BMP6: variants seen among roughly 807,000 people sequenced by gnomAD.
BMP6 encodes bone morphogenetic protein 6.
BMP6 carries 17 observed loss-of-function variants against 54.1 expected under a neutral mutation model. The ratio of observed to expected loss-of-function variants is 0.31; its 90% CI spans 0.22 to 0.47. The LOEUF (loss-of-function observed/expected upper bound fraction) is 0.47. BMP6 is among the 20% of genes least tolerant of loss of function. BMP6 has a pLI of 1.00. For synonymous variants in BMP6, 328 were observed against 291.2 expected, an observed-to-expected ratio of 1.13 and a Z score of -1.28; for missense variants, 720 against 690.4, an observed-to-expected ratio of 1.04 and a Z score of -0.48.
intron 1 of BMP6, among the ~76,000 whole-genome samples, chr6:7,841,683 C>T (rs574960455): frequency 2.0e-4 from 31 of 152,162 alleles, no homozygotes; most frequent in Middle Eastern, 6.8e-3. Context: ...GAAGACCAGA[C>T]GGTAATGGGA....
At chr6:7,805,923 C>G (rs1236818115) in intron 1 of BMP6, among the ~76,000 whole-genome samples, 1 of 152,126 alleles carries the variant, frequency 6.6e-6, no homozygotes, top group Non-Finnish European at 1.5e-5. Context: ...CTGTTTATCT[C>G]GGGTTGGAAT....
Position 7,874,190 on chromosome 6 carries a change from C to T in BMP6, c.1205-4884C>T, listed in dbSNP as rs543958138. On this transcript the variant is annotated intron_variant, in intron 4 of 6. Transcript: ENST00000283147. The stretch of plus-strand genomic sequence containing the variant: ...CCAGGCCTGGCAGCACCACACATCC[C>T]TTCTTCCCCACATTCATGGGCAGAA... Among the ~76,000 whole-genome samples the T allele has an allele frequency of 1.0e-3, 159 of 152,316 alleles. No individual in the cohort carries two copies. In the Middle Eastern group the frequency reaches 0.014, roughly 13 times the overall value.
At position 7,881,621 on chromosome 6, in the gene BMP6, T is replaced by TG. The variant is rs1759742452; in HGVS notation, c.*1279dup. The TG allele has an allele frequency of 3.1e-5, 3 of 98,238 alleles. 1 individual carries two copies. In the South Asian group the frequency reaches 7.9e-4, roughly 26 times the overall value. 6.1% of individuals were successfully genotyped at this position (98,238 alleles called of 1,614,324 possible). A position where few individuals can be genotyped will look rare whatever the true frequency, so the allele number is the denominator to read the frequency against. ...AAGACTCGTGATGCAAAGCTGAAGT[T>TG]GTGTGTACAAGACTCTTGACAGTTG... is the stretch of plus-strand genomic sequence containing the variant. On this transcript the variant is annotated 3_prime_UTR_variant, in exon 7 of 7. Transcript: ENST00000283147.
chr6:7,879,128 G>A lies in BMP6; in HGVS notation c.1259G>A (p.Ser420Asn), dbSNP rs1245865614. 7 of 1,614,226 alleles carry A rather than the reference G, an allele frequency of 4.3e-6. No homozygotes were observed. In the South Asian group the frequency reaches 5.5e-5, roughly 13 times the overall value. Residue 420 changes from serine (S) to asparagine (N), a missense_variant, in exon 5 of 7, where the codon AGT (serine) becomes AAT (asparagine). Around this residue, in one of 3 missense-constraint regions of BMP6, gnomAD observed 27 missense variants for 80.1 expected, o/e 0.34. Coordinates refer to ENST00000283147, the MANE Select transcript of BMP6 (RefSeq NM_001718.6). ...TGCAGGAAGCATGAGCTGTATGTGA[G>A]TTTCCAAGACCTGGGATGGCAGGTG... The part of the protein sequence containing the change: ...TACRKHELYV[S>N]FQDLGWQDWI...
rs1433360910 is a variant in BMP6 at position 7,726,155 on chromosome 6, T to G, written c.-801T>G. Among the ~76,000 whole-genome samples, 1 of 152,128 alleles carries G rather than the reference T, an allele frequency of 6.6e-6. No homozygotes were observed. Among genetic ancestry groups the G allele is most frequent in the Non-Finnish European group, 1.5e-5 (1 of 68,000 alleles). On this transcript the variant is annotated 5_prime_UTR_variant, in exon 1 of 7. Transcript: ENST00000283147. ...CGGCGTGGAGAGGCGGGAGACCGAA[T>G]TCCGGCGCCGCCGCCGCGGCCGCTG...
rs111884594 is a variant in BMP6, at chr6:7,740,169, A to G, written c.664+12550A>G. Among the ~76,000 whole-genome samples, 4 of 152,162 alleles carry G rather than the reference A, an allele frequency of 2.6e-5. 2 individuals carry two copies. The highest frequency in any genetic ancestry group is 9.6e-5 in the African/African-American group (4 of 41,512). On this transcript the variant is annotated intron_variant, in intron 1 of 6. Coordinates refer to ENST00000283147, the MANE Select transcript of BMP6 (RefSeq NM_001718.6). ...CCAGGCTCCCAGGTGACCTGCCACC[A>G]AGGCTCGGTGGCCTGGTGGTAGCTG...
intron 4 of BMP6, among the ~76,000 whole-genome samples, chr6:7,865,906 T>C (rs1438709249): frequency 2.6e-5 from 4 of 152,198 alleles, no homozygotes; most frequent in Non-Finnish European, 5.9e-5. Flanking sequence ...ATTCATCAAA[T>C]TGCCTGTCAT....
intron 1 of BMP6, among the ~76,000 whole-genome samples, chr6:7,767,656 C>G (rs146839623): frequency 1.3e-5 from 2 of 152,194 alleles, no homozygotes; most frequent in Non-Finnish European, 2.9e-5. Flanking sequence ...AATTTCTTAT[C>G]CAGGAACCAG....
chr6:7,836,039 C>T (rs1465575309), intron 1 of BMP6, among the ~76,000 whole-genome samples: 1 of 152,076 alleles, frequency 6.6e-6, no homozygotes, highest in Non-Finnish European at 1.5e-5. Context: ...CAAGGTTTCC[C>T]CGTGTTGGCC....
chr6:7,880,151 G>A (rs779452476), intron 6 of BMP6, 43 bp from the exon 7 acceptor site: 16 of 1,613,878 alleles, frequency 9.9e-6, no homozygotes, highest in Non-Finnish European at 4.2e-6. Context: ...CCAAGACCAG[G>A]TGTCATTTCT....
chr6:7,792,581 GACAGGCAC>G (rs1343302447), intron 1 of BMP6, among the ~76,000 whole-genome samples: 2 of 152,244 alleles, frequency 1.3e-5, no homozygotes, highest in African/African-American at 4.8e-5. Flanking sequence ...CAAACACATA[GACAGGCAC>G]ACAGGCATAC....
intron 1 of BMP6, among the ~76,000 whole-genome samples, chr6:7,769,742 A>C (rs1459630769): frequency 1.3e-5 from 2 of 152,248 alleles, no homozygotes; most frequent in Non-Finnish European, 2.9e-5. Flanking sequence ...GTCAAACGAC[A>C]ATCTATGATG....
At chr6:7,843,507 T>C (rs569522099) in intron 1 of BMP6, among the ~76,000 whole-genome samples, 4 of 151,682 alleles carry the variant, frequency 2.6e-5, no homozygotes, top group African/African-American at 9.7e-5. Flanking sequence ...AAAAACAACA[T>C]GTGTAAGAGA....
At chr6:7,832,468 C>CT (rs1038399336) in intron 1 of BMP6, among the ~76,000 whole-genome samples, 1 of 152,048 alleles carries the variant, frequency 6.6e-6, no homozygotes, top group African/African-American at 2.4e-5. Flanking sequence ...GCACCTTGGT[C>CT]TTAGACTTCC....
intron 1 of BMP6, among the ~76,000 whole-genome samples, chr6:7,805,540 A>T (rs1048672399): frequency 1.3e-5 from 2 of 152,234 alleles, no homozygotes; most frequent in African/African-American, 4.8e-5. Flanking sequence ...TTTAGGACGG[A>T]TGGAATTTTA....
chr6:7,734,218 G>A (rs1284127331), intron 1 of BMP6, among the ~76,000 whole-genome samples: 2 of 152,190 alleles, frequency 1.3e-5, no homozygotes, highest in African/African-American at 4.8e-5. Flanking sequence ...CCCATTTGGG[G>A]TTTATTGGTT....
intron 1 of BMP6, among the ~76,000 whole-genome samples, chr6:7,739,023 A>G (rs774959890): frequency 3.3e-5 from 5 of 152,200 alleles, no homozygotes; most frequent in Non-Finnish European, 7.3e-5. Flanking sequence ...CATGGGGTCA[A>G]ATCTTCATAG....
intron 4 of BMP6, among the ~76,000 whole-genome samples, chr6:7,876,660 T>C (rs1245827366): frequency 6.6e-6 from 1 of 152,270 alleles, no homozygotes; most frequent in Non-Finnish European, 1.5e-5. Flanking sequence ...TTAAGTAATC[T>C]GTTTAATCTG....
At chr6:7,788,874 T>TTG (rs1758054498) in intron 1 of BMP6, among the ~76,000 whole-genome samples, 1 of 83,496 alleles carries the variant, frequency 1.2e-5, no homozygotes, top group African/African-American at 3.2e-5. Flanking sequence ...TATCTCTGTT[T>TTG]TTTTTTTTTT....
Sources: allele counts gnomAD v4.1 joint callset (sites outside exome capture counted in the v4.1 genomes callset), GRCh38; gene constraint gnomAD v4.1.1; regional missense constraint gnomAD v4.1.1; transcripts MANE v1.5; gene names NCBI Gene and HGNC (gene_info 2026-07-23, HGNC 2026-07-21).